Variants in DCAF6 observed in about 807,000 individuals in gnomAD.
The protein encoded by DCAF6 is DDB1 and CUL4 associated factor 6.
In DCAF6, 54 loss-of-function variants were observed where a neutral mutation model predicts 125.1. The observed-to-expected ratio is 0.43, with a 90% CI of 0.35 to 0.54. The LOEUF is 0.54. DCAF6 is among the 20% of genes least tolerant of loss of function. The pLI is 0.01. For synonymous variants in DCAF6, 371 were observed against 390.4 expected (o/e 0.95, Z 0.58); for missense variants, 934 against 1,161.7 (o/e 0.80, Z 2.85).
chr1:167,938,811 T>C (rs1671768848), intron 1 of DCAF6, among the ~76,000 whole-genome samples: 1 of 152,174 alleles, frequency 6.6e-6, no homozygotes, highest in Non-Finnish European at 1.5e-5. Flanking sequence ...TTAATTAAAA[T>C]ATAACAAAAC....
At chr1:167,976,561 A>G (rs764914223) in intron 4 of DCAF6, among the ~76,000 whole-genome samples, 11 of 152,180 alleles carry the variant, frequency 7.2e-5, no homozygotes, top group East Asian at 3.8e-4. Flanking sequence ...TGCTTCTAAG[A>G]TAGACATTCA....
At chr1:167,885,718 T>C in the DCAF6 span, among the ~76,000 whole-genome samples, 1 of 152,082 alleles carries the variant, frequency 6.6e-6, no homozygotes, top group Non-Finnish European at 1.5e-5. Flanking sequence ...TGGGTTCAAG[T>C]GATTCTGTTG....
chr1:167,877,562 TG>T, the DCAF6 span, among the ~76,000 whole-genome samples: 1 of 152,068 alleles, frequency 6.6e-6, no homozygotes, highest in Non-Finnish European at 1.5e-5. Flanking sequence ...TACCAAGCAC[TG>T]GGGATATAAG....
chr1:167,935,044 AC>A (rs1350243484), upstream of DCAF6, among the ~76,000 whole-genome samples: 1 of 152,176 alleles, frequency 6.6e-6, no homozygotes, highest in East Asian at 1.9e-4. Flanking sequence ...ATTCTCATAG[AC>A]CGCGTATTAC....
At chr1:167,905,327 CCA>C in the DCAF6 span, 1 of 736,750 alleles carries the variant, frequency 1.4e-6, no homozygotes, top group South Asian at 1.7e-5. Flanking sequence ...AGTTGTTGAG[CCA>C]CACTTCAAAA....
At chr1:168,069,602 C>T (rs186126080) in intron 21 of DCAF6, among the ~76,000 whole-genome samples, 1 of 152,192 alleles carries the variant, frequency 6.6e-6, no homozygotes, top group East Asian at 1.9e-4. Context: ...TTTCTAAGCC[C>T]TAGAGGAGAG....
At chr1:167,882,380 G>A in the DCAF6 span, among the ~76,000 whole-genome samples, 12 of 151,454 alleles carry the variant, frequency 7.9e-5, no homozygotes, top group Admixed American at 3.3e-4. Context: ...AGCTACTCAG[G>A]AGGCTGAGTC....
chr1:167,965,852 C>G (rs1676335250), intron 2 of DCAF6, among the ~76,000 whole-genome samples: 1 of 152,106 alleles, frequency 6.6e-6, no homozygotes, highest in Non-Finnish European at 1.5e-5. Flanking sequence ...TCAGGCTGGT[C>G]TCGAACCTCT....
chr1:168,060,389 T>G (rs1467765676), intron 17 of DCAF6, among the ~76,000 whole-genome samples: 1 of 152,112 alleles, frequency 6.6e-6, no homozygotes, highest in Admixed American at 6.5e-5. Context: ...TCTTACTGTG[T>G]TGCCCAGGCT....
intron 1 of DCAF6, among the ~76,000 whole-genome samples, chr1:167,940,007 G>C (rs1183577446): frequency 6.6e-6 from 1 of 152,072 alleles, no homozygotes; most frequent in Non-Finnish European, 1.5e-5. Context: ...AATTGGGATA[G>C]AACAAATAGA....
intron 7 of DCAF6, among the ~76,000 whole-genome samples, chr1:167,998,166 A>G (rs547309301): frequency 1.3e-5 from 2 of 152,282 alleles, no homozygotes; most frequent in Admixed American, 1.3e-4. Context: ...AGTCACACAG[A>G]TCTTTTGGTT....
At chr1:168,015,758 C>G in intron 10 of DCAF6, 23 bp from the exon 11 acceptor site, 2 of 1,424,806 alleles carry the variant, frequency 1.4e-6, no homozygotes, top group Non-Finnish European at 1.8e-6. Context: ...GTCTTTTCAC[C>G]TTTCTTTTCC....
intron 4 of DCAF6, among the ~76,000 whole-genome samples, chr1:167,985,717 C>A (rs1679907371): frequency 6.6e-6 from 1 of 152,044 alleles, no homozygotes; most frequent in South Asian, 2.1e-4. Flanking sequence ...TAATAGTAAA[C>A]CTTTTAAGAC....
chr1:168,003,901 G>A lies in DCAF6; in HGVS notation c.1029G>A (p.Gln343=). 1 of 1,611,310 alleles carries A rather than the reference G, an allele frequency of 6.2e-7. No homozygotes were observed. The highest frequency in any genetic ancestry group is 1.7e-5 in the Admixed American group (1 of 59,918). Residue 343 remains glutamine (Q), a synonymous_variant, in exon 9 of 22, where the codon CAG becomes CAA. Transcript: ENST00000367840. Reference sequence around the variant, plus strand: ...AGAGTCCCAATGTGTCATTGATGCAGAGAATGTCTGATATGTTATCAAGAT... The same window carrying A: ...AGAGTCCCAATGTGTCATTGATGCAAAGAATGTCTGATATGTTATCAAGAT... The part of the protein sequence containing the change: ...GEQSPNVSLM[Q]RMSDMLSRWF...
At chr1:167,904,512 T>A in the DCAF6 span, 1 of 246,786 alleles carries the variant, frequency 4.1e-6, no homozygotes, top group Admixed American at 5.0e-5. Context: ...ATTTCTTTCT[T>A]CCAAATTCTC....
the DCAF6 span, among the ~76,000 whole-genome samples, chr1:167,889,280 T>C: frequency 6.6e-6 from 1 of 152,170 alleles, no homozygotes; most frequent in African/African-American, 2.4e-5. Context: ...ATTTTTATCA[T>C]GAAGGGATGT....
At chr1:168,006,218 T>G (rs1469541796) in intron 10 of DCAF6, among the ~76,000 whole-genome samples, 2 of 152,164 alleles carry the variant, frequency 1.3e-5, no homozygotes, top group South Asian at 4.1e-4. Context: ...CATTTCAAAT[T>G]GCTAAATTCC....
chr1:167,920,680 A>AT, the DCAF6 span: 8 of 1,555,198 alleles, frequency 5.1e-6, no homozygotes, highest in Non-Finnish European at 7.0e-6. Flanking sequence ...ATGTGGAGTA[A>AT]TAGTTTTAAC....
At chr1:168,057,503 A>G (rs578238378) in intron 17 of DCAF6, among the ~76,000 whole-genome samples, 1 of 152,372 alleles carries the variant, frequency 6.6e-6, no homozygotes, top group Non-Finnish European at 1.5e-5. Flanking sequence ...TCTTCCAAAT[A>G]GAATAATAAT....
Sources: allele counts gnomAD v4.1 joint callset (sites outside exome capture counted in the v4.1 genomes callset), GRCh38; gene constraint gnomAD v4.1.1; transcripts MANE v1.5; gene names NCBI Gene and HGNC (gene_info 2026-07-23, HGNC 2026-07-21).